Variants in ERBB4 observed in about 807,000 individuals in gnomAD.
ERBB4 encodes receptor tyrosine-protein kinase erbB-4.
A neutral mutation model predicts 158.0 loss-of-function variants in ERBB4; 42 were observed. The observed-to-expected ratio is 0.27, with a 90% CI of 0.21 to 0.34. ERBB4 has a LOEUF of 0.34. ERBB4 is among the 10% of genes least tolerant of loss of function. The pLI is 1.00. For synonymous variants in ERBB4, 583 were observed against 558.7 expected (o/e 1.04, Z -0.61); for missense variants, 1,333 against 1,624.1 (o/e 0.82, Z 3.08).
At chr2:212,449,351 G>A (rs2092412104) in intron 1 of ERBB4, among the ~76,000 whole-genome samples, 2 of 152,054 alleles carry the variant, frequency 1.3e-5, no homozygotes, top group Admixed American at 6.5e-5. Flanking sequence ...GGTAGGAAGA[G>A]GTACAAAATT....
intron 12 of ERBB4, among the ~76,000 whole-genome samples, chr2:211,695,698 A>G (rs577094337): frequency 6.6e-6 from 1 of 152,118 alleles, no homozygotes; most frequent in Non-Finnish European, 1.5e-5. Flanking sequence ...TTTCTCACAA[A>G]TTTTTAATTC....
intron 1 of ERBB4, among the ~76,000 whole-genome samples, chr2:212,425,750 C>G (rs1230880826): frequency 1.3e-5 from 2 of 151,874 alleles, no homozygotes; most frequent in Non-Finnish European, 2.9e-5. Context: ...TATCAATGAA[C>G]AACATCTTTT....
chr2:212,208,607 A>C lies in ERBB4; in HGVS notation c.83-83704T>G, dbSNP rs557894584. ...AATGCAACATAATAATGATGGATTT[A>C]AAGTGAAGATCTTGAGGATGTTAAT... On this transcript the variant is annotated intron_variant, in intron 1 of 27. Transcript: ENST00000342788. 2.0e-5 allele frequency among the ~76,000 whole-genome samples: 3 copies of C among 152,310 alleles called. No homozygotes were observed. The South Asian group carries it at 6.2e-4, about 32-fold the overall frequency.
At chr2:211,435,501 G>C (rs1461955389) in intron 20 of ERBB4, among the ~76,000 whole-genome samples, 2 of 152,206 alleles carry the variant, frequency 1.3e-5, no homozygotes, top group East Asian at 3.9e-4. Context: ...CTGGGCCATG[G>C]AGCAGCACTG....
At chr2:211,840,961 T>C (rs2077456967) in intron 3 of ERBB4, among the ~76,000 whole-genome samples, 1 of 151,240 alleles carries the variant, frequency 6.6e-6, no homozygotes, top group Admixed American at 6.6e-5. Context: ...TAATAAAATG[T>C]ATTTTTTCTA....
At chr2:212,075,154 A>AT (rs1559448471) in intron 2 of ERBB4, among the ~76,000 whole-genome samples, 5 of 152,086 alleles carry the variant, frequency 3.3e-5, no homozygotes, top group Admixed American at 1.3e-4. Context: ...AAAATATAAA[A>AT]GTGTTATACT....
chr2:211,993,380 C>A (rs1291283689), intron 2 of ERBB4, among the ~76,000 whole-genome samples: 3 of 152,132 alleles, frequency 2.0e-5, no homozygotes, highest in Non-Finnish European at 2.9e-5. Context: ...TCTGTGGGTA[C>A]CTTGCTCTTG....
chr2:211,711,885 T>C (rs2073714602), intron 9 of ERBB4, among the ~76,000 whole-genome samples, 165 bp downstream of exon 9: 2 of 152,152 alleles, frequency 1.3e-5, no homozygotes, highest in Admixed American at 6.6e-5. Context: ...AAAACTAGTA[T>C]ACTGTCATTG....
At chr2:211,847,633 T>A (rs202225641) in intron 3 of ERBB4, among the ~76,000 whole-genome samples, 32,899 of 127,836 alleles carry the variant, frequency 0.26, 3,665 homozygotes, top group South Asian at 0.37. Flanking sequence ...AACATTATGA[T>A]TTTTTTTTGC....
chr2:211,595,512 C>T (rs2068603321), intron 19 of ERBB4, among the ~76,000 whole-genome samples: 1 of 151,918 alleles, frequency 6.6e-6, no homozygotes, highest in African/African-American at 2.4e-5. Flanking sequence ...GCAAAAAGTA[C>T]AAATATAAAG....
intron 2 of ERBB4, among the ~76,000 whole-genome samples, chr2:212,098,730 T>C (rs926554917): frequency 2.6e-5 from 4 of 152,170 alleles, no homozygotes; most frequent in African/African-American, 9.7e-5. Context: ...ATTTGAAAGA[T>C]GTTCTAATAA....
At chr2:211,593,839 A>G (rs1162322492) in intron 19 of ERBB4, among the ~76,000 whole-genome samples, 4 of 152,132 alleles carry the variant, frequency 2.6e-5, no homozygotes, top group Non-Finnish European at 5.9e-5. Flanking sequence ...TTCAGCTGCA[A>G]AGAGCCAATT....
chr2:211,583,517 TA>T, intron 19 of ERBB4, among the ~76,000 whole-genome samples: 1 of 15,484 alleles, frequency 6.5e-5, no homozygotes, highest in Non-Finnish European at 4.9e-4. Context: ...TTATTTTCCC[TA>T]GATAAATTAC....
At chr2:211,835,918 T>C (rs894679436) in intron 3 of ERBB4, among the ~76,000 whole-genome samples, 4 of 151,710 alleles carry the variant, frequency 2.6e-5, no homozygotes, top group Admixed American at 6.6e-5. Flanking sequence ...TACCTTGGGG[T>C]TGCAGGGTTG....
intron 13 of ERBB4, among the ~76,000 whole-genome samples, chr2:211,677,612 C>A (rs2072132895): frequency 6.7e-6 from 1 of 149,670 alleles, no homozygotes; most frequent in African/African-American, 2.5e-5. Flanking sequence ...CAGTGGCTTA[C>A]GCCTGTAATC....
intron 2 of ERBB4, among the ~76,000 whole-genome samples, chr2:212,058,801 A>G (rs1162378752): frequency 1.3e-5 from 2 of 152,214 alleles, no homozygotes; most frequent in Admixed American, 1.3e-4. Context: ...CAAAATAATA[A>G]GAGCTTTTTA....
intron 1 of ERBB4, among the ~76,000 whole-genome samples, chr2:212,272,703 T>A (rs2085387689): frequency 6.6e-6 from 1 of 151,816 alleles, no homozygotes; most frequent in Non-Finnish European, 1.5e-5. Context: ...GTTTCAAGAT[T>A]TGATTCAATA....
At chr2:212,490,142 T>C (rs1201882468) in intron 1 of ERBB4, among the ~76,000 whole-genome samples, 1 of 151,892 alleles carries the variant, frequency 6.6e-6, no homozygotes, top group Non-Finnish European at 1.5e-5. Context: ...TTCTCTTTCT[T>C]GTCTCCTGGG....
chr2:211,715,220 G>A (rs780138636), intron 7 of ERBB4, among the ~76,000 whole-genome samples: 2 of 152,114 alleles, frequency 1.3e-5, no homozygotes, highest in Admixed American at 1.3e-4. Context: ...GAGAAGAAAG[G>A]GAATCTGGTG....
Sources: gnomAD v4.1 joint callset for allele counts (sites outside exome capture counted in the v4.1 genomes callset) on GRCh38, gnomAD v4.1.1 for gene constraint, MANE v1.5 for transcripts, NCBI Gene and HGNC (gene_info 2026-07-23, HGNC 2026-07-21) for gene names.